Variants in PARVB observed in about 807,000 individuals in gnomAD.
PARVB encodes beta-parvin.
PARVB carries 46 observed loss-of-function variants against 47.0 expected under a neutral mutation model. That is an observed-to-expected ratio of 0.98 (90% confidence interval 0.77 to 1.25). The LOEUF is 1.25. Among genes scored for constraint, PARVB ranks in the 50% most tolerant of loss-of-function variants. The pLI, the probability that PARVB is intolerant of heterozygous loss-of-function variation, is 0.00. For synonymous variants in PARVB, 196 were observed against 196.3 expected (o/e 1.00, Z 0.01); for missense variants, 473 against 471.6 (o/e 1.00, Z -0.03).
intron 10 of PARVB, among the ~76,000 whole-genome samples, chr22:44,157,184 C>T (rs932162411): frequency 6.6e-6 from 1 of 152,200 alleles, no homozygotes; most frequent in Non-Finnish European, 1.5e-5. Context: ...GTCTCTGCTG[C>T]AAGACAGAGT....
intron 3 of PARVB, among the ~76,000 whole-genome samples, chr22:44,101,720 C>T (rs1284095555): frequency 2.6e-5 from 4 of 151,420 alleles, no homozygotes; most frequent in Non-Finnish European, 5.9e-5. Context: ...TGCACTCCAG[C>T]CTGGGCACCA....
intron 1 of PARVB, among the ~76,000 whole-genome samples, chr22:44,042,822 T>C (rs2051043118): frequency 6.6e-6 from 1 of 152,230 alleles, no homozygotes; most frequent in South Asian, 2.1e-4. Context: ...AGAGCCCTGC[T>C]TTGTTACAGC....
chr22:44,071,587 C>G (rs2051655985), intron 1 of PARVB, among the ~76,000 whole-genome samples: 1 of 152,174 alleles, frequency 6.6e-6, no homozygotes, highest in African/African-American at 2.4e-5. Flanking sequence ...TTGATAACCT[C>G]CCAGCCACCA....
intron 9 of PARVB, chr22:44,150,874 T>A (rs923254955): frequency 1.3e-5 from 2 of 151,196 alleles, no homozygotes; most frequent in Non-Finnish European, 2.9e-5. Flanking sequence ...TACAAAAAAA[T>A]TAGCTGGGCG....
chr22:44,063,272 G>C (rs982565300), intron 1 of PARVB, among the ~76,000 whole-genome samples: 2 of 151,652 alleles, frequency 1.3e-5, no homozygotes, highest in Non-Finnish European at 2.9e-5. Flanking sequence ...TGTCACCCAG[G>C]CTGGAGTGCA....
rs2053393189 is a variant in PARVB at position 44,134,268 on chromosome 22, T to TG, written c.633+1260dup. ...GTCCATGTTTCCTTCCTAAGGAGGA[T>TG]GTTTGTGGCTGGTGGTGGTGACTCG... On this transcript the variant is annotated intron_variant, in intron 6 of 12. Coordinates refer to ENST00000338758, the MANE Select transcript of PARVB (RefSeq NM_013327.5). Among the ~76,000 whole-genome samples the TG allele has an allele frequency of 2.0e-5, 3 of 152,250 alleles. No individual in the cohort carries two copies. In the South Asian group the frequency reaches 6.2e-4, roughly 32 times the overall value.
chr22:44,107,867 G>A (rs2052602770), intron 3 of PARVB: 1 of 151,918 alleles, frequency 6.6e-6, no homozygotes, highest in Non-Finnish European at 1.5e-5. Context: ...TAATTACACT[G>A]TCCCTGAGTT....
chr22:44,156,523 C>T (rs938815281), intron 10 of PARVB, among the ~76,000 whole-genome samples: 2 of 152,144 alleles, frequency 1.3e-5, no homozygotes, highest in Non-Finnish European at 2.9e-5. Context: ...GTGATCCACC[C>T]ACCTTGGCCA....
intron 4 of PARVB, among the ~76,000 whole-genome samples, chr22:44,122,539 A>G (rs2053082781): frequency 9.4e-6 from 1 of 106,412 alleles, no homozygotes; most frequent in African/African-American, 4.7e-5. Flanking sequence ...AGAGAGAGAG[A>G]GAGAGAGAGA....
intron 1 of PARVB, among the ~76,000 whole-genome samples, chr22:44,025,859 GC>G (rs1221198783): frequency 1.3e-5 from 2 of 152,198 alleles, no homozygotes; most frequent in Non-Finnish European, 2.9e-5. Flanking sequence ...CCTGTGGAGC[GC>G]CCGCCATGGG....
intron 1 of PARVB, among the ~76,000 whole-genome samples, chr22:44,072,955 C>G (rs760436698): frequency 1.3e-5 from 2 of 152,144 alleles, no homozygotes; most frequent in Admixed American, 6.6e-5. Flanking sequence ...CCCTCCTGAG[C>G]CCCCAGCCTT....
chr22:44,081,678 G>GAGT, intron 1 of PARVB: 1 of 960,680 alleles, frequency 1.0e-6, no homozygotes, highest in Non-Finnish European at 1.2e-6. Context: ...TGCTGGAAGT[G>GAGT]AGCAGCGGGT....
chr22:44,065,919 G>A (rs1401506553), intron 1 of PARVB, among the ~76,000 whole-genome samples: 1 of 151,982 alleles, frequency 6.6e-6, no homozygotes, highest in Non-Finnish European at 1.5e-5. Context: ...TGATTGATGG[G>A]CATTTGATTG....
At chr22:44,163,120 C>T (rs773975149) in intron 11 of PARVB, among the ~76,000 whole-genome samples, 6 of 152,172 alleles carry the variant, frequency 3.9e-5, no homozygotes, top group East Asian at 1.9e-4. Flanking sequence ...GCCAGGCCTG[C>T]GTGCCTCTGC....
intron 1 of PARVB, among the ~76,000 whole-genome samples, chr22:44,037,152 T>G (rs1188955228): frequency 6.6e-6 from 1 of 151,738 alleles, no homozygotes; most frequent in Non-Finnish European, 1.5e-5. Flanking sequence ...TGAGACCTCG[T>G]CTCTGCAAAA....
At chr22:44,121,124 A>T (rs2053037762) in intron 4 of PARVB, among the ~76,000 whole-genome samples, 1 of 152,106 alleles carries the variant, frequency 6.6e-6, no homozygotes, top group Non-Finnish European at 1.5e-5. Flanking sequence ...TACAGGTGTG[A>T]GCCACTGTGC....
chr22:44,036,206 A>G (rs886825088), intron 1 of PARVB, among the ~76,000 whole-genome samples: 1 of 152,208 alleles, frequency 6.6e-6, no homozygotes. Context: ...GCAGTGAGCC[A>G]AAATCATGCC....
intron 4 of PARVB, among the ~76,000 whole-genome samples, chr22:44,121,521 C>T (rs1032900320): frequency 6.6e-6 from 1 of 151,254 alleles, no homozygotes; most frequent in African/African-American, 2.4e-5. Flanking sequence ...GCATTTTCTT[C>T]TGTAAATAAG....
intron 1 of PARVB, among the ~76,000 whole-genome samples, chr22:44,034,706 C>CTTTTTT (rs34429203): frequency 9.3e-6 from 1 of 107,580 alleles, no homozygotes; most frequent in Non-Finnish European, 1.9e-5. Context: ...CCACGTGTAA[C>CTTTTTT]TTTTTTTTTT....
Sources: gnomAD v4.1 joint callset for allele counts (sites outside exome capture counted in the v4.1 genomes callset) on GRCh38, gnomAD v4.1.1 for gene constraint, MANE v1.5 for transcripts, NCBI Gene and HGNC (gene_info 2026-07-23, HGNC 2026-07-21) for gene names.